Variants in ADAM12 observed in about 807,000 individuals in gnomAD.
ADAM12 encodes the protein ADAM metallopeptidase domain 12.
Under a neutral mutation model 106.4 loss-of-function variants are expected in ADAM12, and 70 were observed. The observed-to-expected ratio is 0.66, with a 90% confidence interval of 0.54 to 0.80. The LOEUF is 0.80. ADAM12 is among the 30% of genes least tolerant of loss of function. ADAM12 has a pLI of 0.00. For missense variants in ADAM12, 1,010 were observed against 1,171.9 expected (o/e 0.86, Z 2.02); for synonymous variants, 420 against 433.5 (o/e 0.97, Z 0.39).
In ADAM12 at chr10:126,017,193, C is replaced by G; in HGVS notation, c.*86G>C. 1.6e-6 allele frequency: 2 copies of G among 1,256,056 alleles called. No homozygotes were observed. The highest frequency in any genetic ancestry group is 2.8e-5 in the South Asian group (2 of 72,352). The allele number at this position is 1,256,056 out of a possible 1,614,324, so 77.8% of individuals were successfully genotyped here. On this transcript the variant is annotated 3_prime_UTR_variant, in exon 23 of 23. Transcript: ENST00000448723. ...TGATGTTTTAAACATTAAAAAAAAT[C>G]CTAAAAGTTGGTACAAAAAACTCCA... is the stretch of plus-strand genomic sequence containing the variant.
chr10:126,073,190 G>GT (rs1389913389), intron 11 of ADAM12, among the ~76,000 whole-genome samples: 2 of 152,202 alleles, frequency 1.3e-5, no homozygotes, highest in Non-Finnish European at 2.9e-5. Flanking sequence ...CCGGATTCAA[G>GT]TAACTCTCCT....
At chr10:126,271,272 C>T (rs964684233) in intron 3 of ADAM12, among the ~76,000 whole-genome samples, 1 of 152,204 alleles carries the variant, frequency 6.6e-6, no homozygotes, top group African/African-American at 2.4e-5. Context: ...GAATTGTATG[C>T]CTTCCTTTCC....
chr10:126,271,033 C>A (rs1959172548), intron 3 of ADAM12, among the ~76,000 whole-genome samples: 2 of 152,152 alleles, frequency 1.3e-5, no homozygotes, highest in Admixed American at 1.3e-4. Context: ...TCCATGAACA[C>A]CCCCTTCAAA....
chr10:126,238,427 C>T (rs563451711), intron 3 of ADAM12, among the ~76,000 whole-genome samples: 1 of 151,918 alleles, frequency 6.6e-6, no homozygotes, highest in African/African-American at 2.4e-5. Context: ...TGCAGTGAGC[C>T]GAGATTGTGC....
chr10:126,126,482 G>T (rs1397156807), intron 5 of ADAM12, among the ~76,000 whole-genome samples: 1 of 151,954 alleles, frequency 6.6e-6, no homozygotes, highest in Non-Finnish European at 1.5e-5. Flanking sequence ...CAGTTTGCAC[G>T]TGACCAGTAG....
At chr10:126,041,674 G>A in intron 18 of ADAM12, 2 of 994,664 alleles carry the variant, frequency 2.0e-6, no homozygotes, top group Non-Finnish European at 2.4e-6. Flanking sequence ...AATGCTAAAA[G>A]CCATATCAGA....
intron 11 of ADAM12, among the ~76,000 whole-genome samples, chr10:126,074,528 T>C (rs923955309): frequency 6.6e-6 from 1 of 152,194 alleles, no homozygotes; most frequent in African/African-American, 2.4e-5. Context: ...AGATCATCAT[T>C]GGCAAAGATC....
At chr10:126,192,103 T>C (rs967736713) in intron 3 of ADAM12, among the ~76,000 whole-genome samples, 2 of 152,108 alleles carry the variant, frequency 1.3e-5, no homozygotes, top group African/African-American at 4.8e-5. Context: ...CACCTCCAAG[T>C]TGGGGATTAC....
chr10:126,171,869 A>G (rs1957126318), intron 3 of ADAM12, among the ~76,000 whole-genome samples: 1 of 152,220 alleles, frequency 6.6e-6, no homozygotes, highest in Non-Finnish European at 1.5e-5. Flanking sequence ...TCTTGCACGC[A>G]AAGTTGGGAA....
At chr10:126,272,861 T>C in intron 3 of ADAM12, 1 of 401,656 alleles carries the variant, frequency 2.5e-6, no homozygotes, top group South Asian at 2.1e-5. Flanking sequence ...TTCTACAGTG[T>C]GCTCCAGTTT....
chr10:126,061,632 G>C (rs1447941316), intron 14 of ADAM12, among the ~76,000 whole-genome samples: 3 of 152,192 alleles, frequency 2.0e-5, no homozygotes, highest in Admixed American at 2.0e-4. Context: ...CAGAGAAAGG[G>C]ATGTGACTAC....
intron 3 of ADAM12, among the ~76,000 whole-genome samples, chr10:126,262,349 T>G (rs1959018890): frequency 6.6e-6 from 1 of 152,146 alleles, no homozygotes; most frequent in Admixed American, 6.5e-5. Context: ...AGATGCCGAT[T>G]CATCAAAATA....
chr10:126,112,190 A>T (rs1304313891), intron 6 of ADAM12, among the ~76,000 whole-genome samples: 2 of 152,050 alleles, frequency 1.3e-5, no homozygotes, highest in Non-Finnish European at 2.9e-5. Context: ...ACATGGACAC[A>T]GGGAGGGGAA....
chr10:126,314,605 C>G (rs1961266694), intron 2 of ADAM12, among the ~76,000 whole-genome samples: 1 of 152,158 alleles, frequency 6.6e-6, no homozygotes, highest in Non-Finnish European at 1.5e-5. Context: ...AGCCCATTGT[C>G]TATATAAAAT....
intron 2 of ADAM12, among the ~76,000 whole-genome samples, chr10:126,327,255 T>C (rs1237515863): frequency 6.6e-6 from 1 of 151,738 alleles, no homozygotes; most frequent in Non-Finnish European, 1.5e-5. Context: ...GCCTCTGAGG[T>C]TTTCAAGGAA....
chr10:126,121,655 T>C (rs528575491), intron 5 of ADAM12, among the ~76,000 whole-genome samples: 1 of 151,422 alleles, frequency 6.6e-6, no homozygotes, highest in East Asian at 1.9e-4. Context: ...CTCCATCAGT[T>C]TTCCTCAATC....
chr10:126,049,448 A>C lies in ADAM12; in HGVS notation c.1722T>G (p.Asp574Glu), dbSNP rs1490762162. Residue 574 changes from aspartate to glutamate, a missense_variant, in exon 16 of 23, where the codon GAT becomes GAG. This residue lies in a region of ADAM12 where 615 missense variants were observed against 708.5 expected (regional missense o/e 0.87). Coordinates refer to ENST00000448723, the MANE Select transcript of ADAM12 (RefSeq NM_001288973.2). This position sits in a 1 kb window ranked among gnomAD's most constrained non-coding sequence, Gnocchi z 4.4. ...GACACTGGATTTTTCCACATTTAGCATCTCTGGAAGGGTAAGAACAAACAA... is the reference window on the plus strand; with the variant it reads ...GACACTGGATTTTTCCACATTTAGCCTCTCTGGAAGGGTAAGAACAAACAA... The part of the protein sequence containing the change: ...KSSFAKCEMR[D>E]AKCGKIQCQG... The C allele has an allele frequency of 1.2e-6, 2 of 1,614,136 alleles. No individual in the cohort carries two copies. Among genetic ancestry groups the C allele is most frequent in the Non-Finnish European group, 1.7e-6 (2 of 1,180,026 alleles).
chr10:126,379,083 AC>A (rs1466108504), intron 1 of ADAM12, among the ~76,000 whole-genome samples: 1 of 152,190 alleles, frequency 6.6e-6, no homozygotes, highest in Non-Finnish European at 1.5e-5. Context: ...AGGCTTTTAC[AC>A]TGTTGGTGGG....
At chr10:126,027,838 G>T (rs1953903821) in intron 21 of ADAM12, among the ~76,000 whole-genome samples, 1 of 152,130 alleles carries the variant, frequency 6.6e-6, no homozygotes, top group South Asian at 2.1e-4. Flanking sequence ...ACATAGTATT[G>T]GAAGTTCTGG....
Sources: allele counts gnomAD v4.1 joint callset (sites outside exome capture counted in the v4.1 genomes callset), GRCh38; gene constraint gnomAD v4.1.1; regional missense constraint gnomAD v4.1.1; non-coding constraint Gnocchi (gnomAD v3.1); transcripts MANE v1.5; gene names NCBI Gene and HGNC (gene_info 2026-07-23, HGNC 2026-07-21).